PDE9A: variants seen among roughly 807,000 people sequenced by gnomAD.
PDE9A encodes high affinity cGMP-specific 3',5'-cyclic phosphodiesterase 9A.
PDE9A carries 60 observed loss-of-function variants against 87.4 expected under a neutral mutation model. The observed-to-expected ratio is 0.69, with a 90% CI of 0.56 to 0.85. The LOEUF is 0.85. Ranked by LOEUF, PDE9A falls within the 40% of genes least tolerant of loss-of-function variation. PDE9A has a pLI of 0.00. For missense variants in PDE9A, 665 were observed against 779.0 expected, an observed-to-expected ratio of 0.85 and a Z score of 1.74; for synonymous variants, 272 against 279.4, an observed-to-expected ratio of 0.97 and a Z score of 0.27.
rs1696149554 is a variant in PDE9A, at chr21:42,739,665, A to G, written c.569-4111A>G. The stretch of plus-strand genomic sequence containing the variant: ...CTAGTGAAGCTGTGCTGTGTCACCC[A>G]GGAGGCTTAATTTTAACATCACCTC... On this transcript the variant is annotated intron_variant, in intron 7 of 19. Transcript: ENST00000291539. The surrounding 1 kb of genome is among the most constrained non-coding windows in gnomAD (Gnocchi z 4.1). 6.6e-6 allele frequency among the ~76,000 whole-genome samples: 1 copy of G among 152,164 alleles called. No individual in the cohort carries two copies. The highest frequency in any genetic ancestry group is 1.5e-5 in the Non-Finnish European group (1 of 68,034).
intron 4 of PDE9A, among the ~76,000 whole-genome samples, chr21:42,724,320 G>C (rs749103263): frequency 9.9e-5 from 15 of 152,240 alleles, no homozygotes; most frequent in Non-Finnish European, 1.8e-4. Flanking sequence ...AGCAGAGGCA[G>C]GCAGGGCTTA....
chr21:42,769,989 G>A (rs1429325636), intron 17 of PDE9A, among the ~76,000 whole-genome samples: 1 of 152,050 alleles, frequency 6.6e-6, no homozygotes. Flanking sequence ...CGGCCTTCAG[G>A]ACCCTGGAGG....
chr21:42,764,627 C>T lies in PDE9A; in HGVS notation c.1243-754C>T, dbSNP rs55825434. On this transcript the variant is annotated intron_variant, in intron 14 of 19. Transcript: ENST00000291539. ...GGGGATCGTTCTCGTGCCCATCCAC[C>T]GTGGGGACACACCAGCATTGGCCTG... Among the ~76,000 whole-genome samples the T allele has an allele frequency of 6.4e-3, 973 of 152,328 alleles. 3 individuals carry two copies. Among genetic ancestry groups the T allele is most frequent in the Non-Finnish European group, 9.3e-3 (634 of 68,020 alleles).
At chr21:42,693,058 G>T (rs979652668) in intron 3 of PDE9A, among the ~76,000 whole-genome samples, 3 of 152,212 alleles carry the variant, frequency 2.0e-5, no homozygotes, top group Admixed American at 6.5e-5. Flanking sequence ...CTGGGCAGGT[G>T]GCTGCTCAGA....
chr21:42,701,616 T>G (rs530222372), intron 4 of PDE9A, among the ~76,000 whole-genome samples: 75 of 152,018 alleles, frequency 4.9e-4, no homozygotes, highest in Non-Finnish European at 9.4e-4. Flanking sequence ...TTTTAAGTTT[T>G]TATAGGGACA....
At position 42,726,622 on chromosome 21, in the gene PDE9A, A is replaced by ATTTTTTTTTT. The variant is rs1445924271; in HGVS notation, c.263-5147_263-5146insTTTTTTTTTT. On this transcript the variant is annotated intron_variant, in intron 4 of 19. Transcript: ENST00000291539. ...TATATATATATATATATATATATAT[A>ATTTTTTTTTT]TATTTTTTTTTTTTTTTTTGTAGAG... is the stretch of plus-strand genomic sequence containing the variant. 6.7e-3 allele frequency among the ~76,000 whole-genome samples: 168 copies of ATTTTTTTTTT among 25,198 alleles called. 5 individuals are homozygous for ATTTTTTTTTT. The highest frequency in any genetic ancestry group is 0.012 in the East Asian group (7 of 580). The allele number at this position is 25,198 out of a possible 152,430, so 16.5% of individuals were successfully genotyped here.
At chr21:42,747,535 G>T (rs960304566) in intron 8 of PDE9A, among the ~76,000 whole-genome samples, 7 of 152,276 alleles carry the variant, frequency 4.6e-5, no homozygotes, top group Non-Finnish European at 8.8e-5. Flanking sequence ...GCTGCCCCTT[G>T]GGAACAGCAG....
chr21:42,724,332 G>A (rs888965896), intron 4 of PDE9A, among the ~76,000 whole-genome samples: 1 of 152,206 alleles, frequency 6.6e-6, no homozygotes, highest in African/African-American at 2.4e-5. Context: ...CAGGGCTTAC[G>A]TGGCCAGGGC....
chr21:42,687,529 G>A (rs531021945), intron 2 of PDE9A, among the ~76,000 whole-genome samples: 73 of 152,210 alleles, frequency 4.8e-4, no homozygotes, highest in Non-Finnish European at 1.5e-4. Flanking sequence ...AGAGACTTGC[G>A]CAGTTCAGAC....
rs148980421 is a variant in PDE9A at position 42,659,906 on chromosome 21, C to G, written c.69+6023C>G. The stretch of plus-strand genomic sequence containing the variant: ...GGAAGGGCACACTGTCCCCGTCAGA[C>G]GCCTCAGATGAACTGACATGCAAAT... On this transcript the variant is annotated intron_variant, in intron 1 of 19. Coordinates refer to ENST00000291539, the MANE Select transcript of PDE9A (RefSeq NM_002606.3). The surrounding 1 kb of genome is among the most constrained non-coding windows in gnomAD (Gnocchi z 4.1). Among the ~76,000 whole-genome samples the G allele has an allele frequency of 6.6e-6, 1 of 152,218 alleles. No individual in the cohort carries two copies. The highest frequency in any genetic ancestry group is 2.4e-5 in the African/African-American group (1 of 41,452).
intron 19 of PDE9A, among the ~76,000 whole-genome samples, chr21:42,774,838 C>T (rs556687721): frequency 1.4e-5 from 2 of 146,726 alleles, no homozygotes; most frequent in Non-Finnish European, 3.0e-5. Context: ...GCCGAGATCA[C>T]GCCACTGCAC....
At chr21:42,758,801 T>C in intron 10 of PDE9A, 198 bp from the exon 11 acceptor site, 1 of 543,354 alleles carries the variant, frequency 1.8e-6, no homozygotes, top group Non-Finnish European at 3.3e-6. Context: ...CTGAGTGGCC[T>C]GGAAAGGCTG....
At chr21:42,753,687 C>T (rs998139891) in intron 9 of PDE9A, among the ~76,000 whole-genome samples, 2 of 151,872 alleles carry the variant, frequency 1.3e-5, no homozygotes, top group Admixed American at 6.6e-5. Context: ...ACATCGTGAA[C>T]TCCCCATCTC....
intron 18 of PDE9A, among the ~76,000 whole-genome samples, chr21:42,771,988 CCT>C (rs2057062034): frequency 6.6e-6 from 1 of 152,320 alleles, no homozygotes; most frequent in South Asian, 2.1e-4. Flanking sequence ...GGGGCTTCTG[CCT>C]CTCTCGTGGG....
intron 4 of PDE9A, chr21:42,700,828 T>C (rs113853150): frequency 9.2e-5 from 14 of 152,354 alleles, no homozygotes; most frequent in African/African-American, 3.4e-4. Flanking sequence ...GTCGTGTGAA[T>C]TTACATGTCT....
chr21:42,773,013 C>A (rs1427629203), intron 19 of PDE9A, among the ~76,000 whole-genome samples: 1 of 151,256 alleles, frequency 6.6e-6, no homozygotes, highest in Non-Finnish European at 1.5e-5. Context: ...GCAATCCCAG[C>A]ACTTTGGGAG....
intron 7 of PDE9A, among the ~76,000 whole-genome samples, chr21:42,736,525 C>T (rs1007018985): frequency 6.6e-6 from 1 of 152,218 alleles, no homozygotes; most frequent in African/African-American, 2.4e-5. Flanking sequence ...CCACCGAGCT[C>T]AGGCTCACTG....
At chr21:42,654,195 T>C (rs942287564) in intron 1 of PDE9A, among the ~76,000 whole-genome samples, 1 of 151,994 alleles carries the variant, frequency 6.6e-6, no homozygotes, top group African/African-American at 2.4e-5. Context: ...TAATTTCCGG[T>C]GGATCGGCCC....
chr21:42,667,143 A>C (rs1421602160), intron 1 of PDE9A, among the ~76,000 whole-genome samples: 1 of 152,178 alleles, frequency 6.6e-6, no homozygotes, highest in Non-Finnish European at 1.5e-5. Flanking sequence ...AAACAACCCC[A>C]ACATGCTTTG....
Sources: gnomAD v4.1 joint callset for allele counts (sites outside exome capture counted in the v4.1 genomes callset) on GRCh38, gnomAD v4.1.1 for gene constraint, Gnocchi (gnomAD v3.1) non-coding constraint, MANE v1.5 for transcripts, NCBI Gene and HGNC (gene_info 2026-07-23, HGNC 2026-07-21) for gene names.